KCNG3: variants seen among roughly 807,000 people sequenced by gnomAD.
The protein encoded by KCNG3 is potassium voltage-gated channel modifier subfamily G member 3.
Under a neutral mutation model 29.0 loss-of-function variants are expected in KCNG3, and 15 were observed. The ratio of observed to expected loss-of-function variants is 0.52; its 90% confidence interval spans 0.35 to 0.80. The LOEUF (loss-of-function observed/expected upper bound fraction) is 0.80. KCNG3 is among the 30% of genes least tolerant of loss of function. The pLI, the probability that KCNG3 is intolerant of heterozygous loss-of-function variation, is 0.01. For missense variants in KCNG3, 512 were observed against 605.7 expected, an observed-to-expected ratio of 0.85 and a Z score of 1.62; for synonymous variants, 322 against 248.9, an observed-to-expected ratio of 1.29 and a Z score of -2.76.
chr2:42,485,553 T>A (rs1252273750), intron 1 of KCNG3, among the ~76,000 whole-genome samples: 1 of 152,018 alleles, frequency 6.6e-6, no homozygotes, highest in African/African-American at 2.4e-5. Flanking sequence ...CACGCCATTC[T>A]CCCACCTCAG....
intron 1 of KCNG3, among the ~76,000 whole-genome samples, chr2:42,467,789 G>A (rs572369196): frequency 6.6e-6 from 1 of 151,798 alleles, no homozygotes; most frequent in East Asian, 1.9e-4. Context: ...GGACAACATG[G>A]CGAAACTCTT....
chr2:42,466,261 T>C (rs1055070881), intron 1 of KCNG3, among the ~76,000 whole-genome samples: 1 of 151,878 alleles, frequency 6.6e-6, no homozygotes, highest in African/African-American at 2.4e-5. Context: ...CAAAAATTAG[T>C]CAGGCGTGGT....
intron 1 of KCNG3, among the ~76,000 whole-genome samples, chr2:42,448,848 G>C (rs1346705349): frequency 6.6e-6 from 1 of 151,990 alleles, no homozygotes; most frequent in African/African-American, 2.4e-5. Flanking sequence ...CGCAGTGGCG[G>C]GTGCCTGTAG....
intron 1 of KCNG3, among the ~76,000 whole-genome samples, chr2:42,491,563 C>A (rs1045353013): frequency 6.6e-6 from 1 of 151,858 alleles, no homozygotes; most frequent in Admixed American, 6.6e-5. Context: ...TGTTGGAGAA[C>A]CAAATAAGTA....
the KCNG3 span, among the ~76,000 whole-genome samples, chr2:42,393,191 C>G: frequency 6.7e-6 from 1 of 149,824 alleles, no homozygotes; most frequent in Non-Finnish European, 1.5e-5. Flanking sequence ...CAGTACTTGA[C>G]ATGCAATAAG....
intron 1 of KCNG3, among the ~76,000 whole-genome samples, chr2:42,488,559 T>C (rs1385219954): frequency 1.3e-5 from 2 of 151,448 alleles, no homozygotes; most frequent in African/African-American, 4.8e-5. Context: ...TTTCTTTTTT[T>C]TTTTTTTTGA....
In KCNG3 at chr2:42,493,310, G is replaced by C. The variant is rs553821399; in HGVS notation, c.192C>G (p.Asp64Glu). ...TGAAGCCGAAGGCCTCCGAGTGCCGGTCGAAGAAGTACTCGTTGCGCTCGC... is the reference window on the plus strand; with the variant it reads ...TGAAGCCGAAGGCCTCCGAGTGCCGCTCGAAGAAGTACTCGTTGCGCTCGC... ...YDRERNEYFF[D>E]RHSEAFGFIL... The change falls in exon 1 of 2, where the codon GAC (aspartate) becomes GAG (glutamate). Residue 64 changes from aspartate to glutamate, a missense_variant. Asp to Glu is a conservative substitution (Grantham distance 45, BLOSUM62 2). This residue lies in a region of KCNG3 where 91 missense variants were observed against 91.1 expected (regional missense o/e 1.00). Coordinates refer to ENST00000306078, the MANE Select transcript of KCNG3 (RefSeq NM_133329.6). The C allele has an allele frequency of 6.2e-7, 1 of 1,610,304 alleles. No individual in the cohort carries two copies. Among genetic ancestry groups the C allele is most frequent in the East Asian group, 2.2e-5 (1 of 44,756 alleles).
chr2:42,468,886 G>A (rs911400804), intron 1 of KCNG3, among the ~76,000 whole-genome samples: 10 of 149,618 alleles, frequency 6.7e-5, no homozygotes, highest in Middle Eastern at 3.4e-3. Context: ...CCTGGGAGGC[G>A]GAGGTTTCAG....
chr2:42,423,804 GAAA>G, the KCNG3 span, among the ~76,000 whole-genome samples: 2 of 120,944 alleles, frequency 1.7e-5, no homozygotes, highest in African/African-American at 2.8e-5. Flanking sequence ...GAGGTGAAAG[GAAA>G]AAAAAAAAAA....
At chr2:42,419,751 C>T in the KCNG3 span, among the ~76,000 whole-genome samples, 1 of 152,278 alleles carries the variant, frequency 6.6e-6, no homozygotes, top group African/African-American at 2.4e-5. Context: ...ATAACTTCAA[C>T]AGAATAAAAT....
chr2:42,397,289 T>C, the KCNG3 span, among the ~76,000 whole-genome samples: 3 of 151,082 alleles, frequency 2.0e-5, no homozygotes, highest in Admixed American at 2.0e-4. Context: ...AAAACTCTAA[T>C]CACGGAAATG....
chr2:42,439,557 C>T (rs1328753407), downstream of KCNG3, among the ~76,000 whole-genome samples: 3 of 150,172 alleles, frequency 2.0e-5, no homozygotes, highest in Non-Finnish European at 4.4e-5. Context: ...GCCACCATGC[C>T]CGGCAATAAT....
intron 1 of KCNG3, among the ~76,000 whole-genome samples, chr2:42,456,907 C>CA (rs1672890113): frequency 6.6e-6 from 1 of 151,980 alleles, no homozygotes; most frequent in Admixed American, 6.6e-5. Context: ...GTTTTCTCCA[C>CA]AACAATTGGT....
intron 1 of KCNG3, among the ~76,000 whole-genome samples, chr2:42,456,338 G>A (rs1162330640): frequency 1.3e-5 from 2 of 151,970 alleles, no homozygotes; most frequent in Non-Finnish European, 2.9e-5. Context: ...AGTCCAGTCT[G>A]GGCAACATGT....
At chr2:42,395,394 G>A in the KCNG3 span, among the ~76,000 whole-genome samples, 1 of 152,198 alleles carries the variant, frequency 6.6e-6, no homozygotes, top group East Asian at 1.9e-4. Flanking sequence ...GAAGACTGGT[G>A]GAAAGGCTGT....
chr2:42,471,184 GTA>G (rs111230198), intron 1 of KCNG3, among the ~76,000 whole-genome samples: 450 of 147,854 alleles, frequency 3.0e-3, no homozygotes, highest in East Asian at 0.012. Context: ...GTGTGTGTGT[GTA>G]TATATATATA....
chr2:42,397,359 T>C, the KCNG3 span, among the ~76,000 whole-genome samples: 1 of 151,994 alleles, frequency 6.6e-6, no homozygotes, highest in Non-Finnish European at 1.5e-5. Context: ...TTACTTTTCA[T>C]GTGGGAAGGA....
At chr2:42,400,625 G>A in the KCNG3 span, among the ~76,000 whole-genome samples, 1 of 152,174 alleles carries the variant, frequency 6.6e-6, no homozygotes, top group Non-Finnish European at 1.5e-5. Flanking sequence ...TTTTTATTAA[G>A]ATCTTGGATG....
chr2:42,406,556 G>A, the KCNG3 span, among the ~76,000 whole-genome samples: 6 of 151,122 alleles, frequency 4.0e-5, no homozygotes, highest in East Asian at 1.0e-3. Context: ...GCTGGGCACA[G>A]TGGCTCACGC....
Sources: allele counts gnomAD v4.1 joint callset (sites outside exome capture counted in the v4.1 genomes callset), GRCh38; gene constraint gnomAD v4.1.1; regional missense constraint gnomAD v4.1.1; transcripts MANE v1.5; gene names NCBI Gene and HGNC (gene_info 2026-07-23, HGNC 2026-07-21).